LIMCH1: variants seen among roughly 807,000 people sequenced by gnomAD.
The protein encoded by LIMCH1 is LIM and calponin homology domains 1, also known as LIM and calponin homology domains-containing protein 1.
Under a neutral mutation model 176.5 loss-of-function variants are expected in LIMCH1, and 113 were observed. The observed-to-expected ratio is 0.64, with a 90% confidence interval of 0.55 to 0.75. LIMCH1 has a LOEUF of 0.75. Ranked by LOEUF, LIMCH1 falls within the 30% of genes least tolerant of loss-of-function variation. The pLI is 0.00. For missense variants in LIMCH1, 1,674 were observed against 1,814.9 expected (o/e 0.92, Z 1.41); for synonymous variants, 619 against 645.9 (o/e 0.96, Z 0.63).
At position 41,633,566 on chromosome 4, in the gene LIMCH1, T is replaced by G. The variant is rs1035081019; in HGVS notation, c.1848T>G (p.Ser616=). The G allele has an allele frequency of 2.0e-6, 3 of 1,536,144 alleles. No homozygotes were observed. Among genetic ancestry groups the G allele is most frequent in the Non-Finnish European group, 2.6e-6 (3 of 1,146,914 alleles). ...SSQPLVCPLA[S]ECEASGTEEK... Reference sequence around the variant, plus strand: ...GCCCTAGGGTGTGTCCTCTGGCCTCTGAGTGTGAGGCTTCAGGGACAGAAG... The same window carrying G: ...GCCCTAGGGTGTGTCCTCTGGCCTCGGAGTGTGAGGCTTCAGGGACAGAAG... Residue 616 remains serine, a synonymous_variant, in exon 13 of 32, where the codon TCT becomes TCG. Transcript: ENST00000503057.
chr4:41,684,256 A>G (rs1718740889), intron 26 of LIMCH1, 141 bp from the exon 27 acceptor site: 3 of 638,978 alleles, frequency 4.7e-6, no homozygotes, highest in African/African-American at 3.7e-5. Flanking sequence ...TTTTAAATCT[A>G]TTTTAAAATA....
At chr4:41,377,372 C>T (rs773018942) in intron 1 of LIMCH1, among the ~76,000 whole-genome samples, 1 of 152,190 alleles carries the variant, frequency 6.6e-6, no homozygotes. Context: ...CACATCTACT[C>T]ACATTCCACT....
chr4:41,618,102 C>T (rs1460809911), intron 5 of LIMCH1, among the ~76,000 whole-genome samples: 2 of 152,206 alleles, frequency 1.3e-5, no homozygotes, highest in South Asian at 2.1e-4. Context: ...TGCCACATCT[C>T]CTGGCTCTTA....
At chr4:41,531,501 CACACACACACACACAT>C (rs1253967524) in intron 3 of LIMCH1, among the ~76,000 whole-genome samples, 8 of 142,836 alleles carry the variant, frequency 5.6e-5, no homozygotes, top group African/African-American at 1.1e-4. Context: ...CACACACACA[CACACACACACACACAT>C]ACACACCTTA....
At chr4:41,696,140 C>T (rs887415551) in intron 31 of LIMCH1, among the ~76,000 whole-genome samples, 5 of 152,086 alleles carry the variant, frequency 3.3e-5, no homozygotes, top group African/African-American at 7.2e-5. Context: ...GGAAAAATAG[C>T]ATACCAGCAT....
intron 1 of LIMCH1, among the ~76,000 whole-genome samples, chr4:41,380,713 G>T (rs1259720972): frequency 6.6e-6 from 1 of 152,160 alleles, no homozygotes. Context: ...TGAGTAAGTT[G>T]CACTGGGCGA....
chr4:41,462,170 TG>T (rs2065464090), intron 1 of LIMCH1, among the ~76,000 whole-genome samples: 1 of 152,194 alleles, frequency 6.6e-6, no homozygotes, highest in Non-Finnish European at 1.5e-5. Flanking sequence ...GCATCTGGTG[TG>T]GGGATACGAT....
chr4:41,481,000 A>G (rs1034149159), intron 1 of LIMCH1, among the ~76,000 whole-genome samples: 9 of 151,640 alleles, frequency 5.9e-5, no homozygotes, highest in Admixed American at 3.9e-4. Context: ...GCTTTTGAGC[A>G]TCGGCTGTAT....
chr4:41,385,103 T>C (rs959672531), intron 1 of LIMCH1, among the ~76,000 whole-genome samples: 4 of 152,228 alleles, frequency 2.6e-5, no homozygotes, highest in African/African-American at 9.6e-5. Context: ...GAACATTCAG[T>C]TGTACTCTGA....
intron 31 of LIMCH1, among the ~76,000 whole-genome samples, chr4:41,694,520 C>T (rs994737295): frequency 1.3e-5 from 2 of 152,126 alleles, no homozygotes; most frequent in African/African-American, 4.8e-5. Flanking sequence ...TTGTTGCTGT[C>T]ATTTTGAACT....
intron 5 of LIMCH1, among the ~76,000 whole-genome samples, chr4:41,618,791 T>G (rs1458211021): frequency 6.6e-6 from 1 of 152,246 alleles, no homozygotes; most frequent in African/African-American, 2.4e-5. Flanking sequence ...AATTTTTATT[T>G]GCTGGAGTAT....
At chr4:41,604,677 C>CT (rs981341044) in intron 3 of LIMCH1, among the ~76,000 whole-genome samples, 2 of 152,054 alleles carry the variant, frequency 1.3e-5, no homozygotes, top group African/African-American at 4.8e-5. Context: ...CCCGTTATAC[C>CT]TTTTAAGATA....
chr4:41,553,830 T>C (rs777004720), intron 1 of LIMCH1, among the ~76,000 whole-genome samples: 1 of 152,160 alleles, frequency 6.6e-6, no homozygotes, highest in Non-Finnish European at 1.5e-5. Flanking sequence ...TCATTTTTGG[T>C]TTACCTACTA....
chr4:41,569,041 A>T (rs758162328), intron 1 of LIMCH1, among the ~76,000 whole-genome samples: 24 of 152,256 alleles, frequency 1.6e-4, no homozygotes, highest in Non-Finnish European at 2.8e-4. Flanking sequence ...TGTACTAAAT[A>T]GAAATTACCA....
chr4:41,414,995 T>C (rs1395068000), intron 1 of LIMCH1, among the ~76,000 whole-genome samples: 1 of 152,078 alleles, frequency 6.6e-6, no homozygotes, highest in East Asian at 1.9e-4. Context: ...TCATCCCCCC[T>C]CCTCCATATA....
Position 41,692,264 on chromosome 4 carries a change from G to A in LIMCH1, c.4276-18G>A, listed in dbSNP as rs1377720232. Reference sequence around the variant, plus strand: ...ATTCCTTATGCATCTTATGATGTCTGTTCTTTTTACCCTATAGTGTGGAAT... The same window carrying A: ...ATTCCTTATGCATCTTATGATGTCTATTCTTTTTACCCTATAGTGTGGAAT... On this transcript the variant is annotated intron_variant, in intron 30 of 31. Transcript: ENST00000503057. 5 of 1,470,436 alleles carry A rather than the reference G, an allele frequency of 3.4e-6. No individual in the cohort carries two copies. In the Admixed American group the frequency reaches 5.0e-5, roughly 15 times the overall value. 91.1% of individuals were successfully genotyped at this position (1,470,436 alleles called of 1,614,324 possible). A position where few individuals can be genotyped will look rare whatever the true frequency, so the allele number is the denominator to read the frequency against.
intron 2 of LIMCH1, among the ~76,000 whole-genome samples, chr4:41,503,746 G>A (rs1392730635): frequency 6.6e-6 from 1 of 152,186 alleles, no homozygotes; most frequent in African/African-American, 2.4e-5. Context: ...TTCCTTGGGA[G>A]TGTTGCCGGA....
At chr4:41,675,830 C>T (rs1324892630) in intron 22 of LIMCH1, among the ~76,000 whole-genome samples, 1 of 152,150 alleles carries the variant, frequency 6.6e-6, no homozygotes, top group Non-Finnish European at 1.5e-5. Context: ...TTGTGTCATG[C>T]GGGCCCCAGG....
At chr4:41,631,755 A>AT (rs1415353505) in intron 10 of LIMCH1, among the ~76,000 whole-genome samples, 1 of 152,272 alleles carries the variant, frequency 6.6e-6, no homozygotes, top group African/African-American at 2.4e-5. Context: ...ATCCAGTACT[A>AT]TTTTATTAGT....
Sources: gnomAD v4.1 joint callset for allele counts (sites outside exome capture counted in the v4.1 genomes callset) on GRCh38, gnomAD v4.1.1 for gene constraint, MANE v1.5 for transcripts, NCBI Gene and HGNC (gene_info 2026-07-23, HGNC 2026-07-21) for gene names.